Variants in PKHD1 observed in about 807,000 individuals in gnomAD.
The protein encoded by PKHD1 is PKHD1 ciliary IPT domain containing fibrocystin/polyductin.
In PKHD1, 291 loss-of-function variants were observed where a neutral mutation model predicts 412.0. The observed-to-expected ratio is 0.71, with a 90% CI of 0.64 to 0.78. The LOEUF (loss-of-function observed/expected upper bound fraction) is 0.78, where lower values mean the gene tolerates loss of function less well. Ranked by LOEUF, PKHD1 falls within the 30% of genes least tolerant of loss-of-function variation. The probability of loss-of-function intolerance (pLI) is 0.00; values close to 1 mark genes in which losing one functional copy is unlikely to be tolerated. For missense variants in PKHD1, 4,825 were observed against 4,950.7 expected (o/e 0.97, Z 0.76); for synonymous variants, 1,777 against 1,821.5 (o/e 0.98, Z 0.62).
chr6:51,754,509 A>T (rs1786639697), intron 56 of PKHD1, among the ~76,000 whole-genome samples: 1 of 152,110 alleles, frequency 6.6e-6, no homozygotes, highest in Non-Finnish European at 1.5e-5. Context: ...AAGACTCTCA[A>T]CCCTTCTGCT....
chr6:51,748,790 C>A, intron 57 of PKHD1, 125 bp from the exon 58 acceptor site: 1 of 795,902 alleles, frequency 1.3e-6, no homozygotes, highest in Non-Finnish European at 2.2e-6. Context: ...TCAACACCAA[C>A]ATTATATTTC....
At chr6:51,634,764 A>G (rs1361677652) in intron 64 of PKHD1, among the ~76,000 whole-genome samples, 2 of 152,192 alleles carry the variant, frequency 1.3e-5, no homozygotes, top group Non-Finnish European at 2.9e-5. Flanking sequence ...CAGAGAGGAG[A>G]AAATAGCTAT....
In PKHD1 at chr6:51,889,781, G is replaced by T. The variant is rs144848972; in HGVS notation, c.6997-2536C>A. 1.5e-3 allele frequency among the ~76,000 whole-genome samples: 229 copies of T among 152,184 alleles called. 1 individual carries two copies. Among genetic ancestry groups the T allele is most frequent in the African/African-American group, 5.3e-3 (221 of 41,500 alleles). ...GAGAGTAACGCTAAGGGTTACTAAC[G>T]TTCCTAGGAGACATTCAAAGAGGAG... On this transcript the variant is annotated intron_variant, in intron 43 of 66. Coordinates refer to ENST00000371117, the MANE Select transcript of PKHD1 (RefSeq NM_138694.4).
At chr6:51,767,749 C>T (rs1035526055) in intron 55 of PKHD1, among the ~76,000 whole-genome samples, 1 of 152,172 alleles carries the variant, frequency 6.6e-6, no homozygotes, top group East Asian at 1.9e-4. Context: ...CAAGTCTTTG[C>T]TATTGTGAAT....
rs1783004131 is a variant in PKHD1 at position 51,911,891 on chromosome 6, G to C, written c.6398C>G (p.Ala2133Gly). The C allele has an allele frequency of 5.6e-6, 9 of 1,610,750 alleles. No homozygotes were observed. The highest frequency in any genetic ancestry group is 7.6e-6 in the Non-Finnish European group (9 of 1,177,346). Reference sequence around the variant, plus strand: ...TATGGTAATACTCCTGCTGAGCAGAGCCACAGTGGCCTTTAAAATATGGTG... The same window carrying C: ...TATGGTAATACTCCTGCTGAGCAGACCCACAGTGGCCTTTAAAATATGGTG... ...GEHHILKATV[A>G]LLSRSITIQG... Residue 2133 changes from alanine (A) to glycine (G), a missense_variant, in exon 39 of 67, where the codon GCT (alanine) becomes GGT (glycine). Transcript: ENST00000371117.
chr6:51,749,968 C>A (rs148609681), intron 57 of PKHD1, among the ~76,000 whole-genome samples: 1 of 152,150 alleles, frequency 6.6e-6, no homozygotes, highest in African/African-American at 2.4e-5. Flanking sequence ...ATAAAGGAAG[C>A]AATACATTTG....
chr6:51,936,998 A>G (rs903114367), intron 36 of PKHD1, among the ~76,000 whole-genome samples: 41 of 152,312 alleles, frequency 2.7e-4, no homozygotes, highest in African/African-American at 9.1e-4. Context: ...AGTGCTAACT[A>G]AGAGTCTGGA....
chr6:51,789,630 A>C (rs1793423609), intron 53 of PKHD1, among the ~76,000 whole-genome samples: 1 of 152,084 alleles, frequency 6.6e-6, no homozygotes, highest in South Asian at 2.1e-4. Flanking sequence ...TTGTGGTTAT[A>C]TTTGCACTTG....
At chr6:51,789,835 A>C (rs996216057) in intron 53 of PKHD1, among the ~76,000 whole-genome samples, 5 of 152,198 alleles carry the variant, frequency 3.3e-5, no homozygotes, top group Non-Finnish European at 7.3e-5. Flanking sequence ...AGGGCTATAG[A>C]ATTAAAAGGA....
chr6:52,032,853 G>A (rs964829324), intron 29 of PKHD1, among the ~76,000 whole-genome samples, 177 bp downstream of exon 29: 1 of 152,132 alleles, frequency 6.6e-6, no homozygotes, highest in Non-Finnish European at 1.5e-5. Flanking sequence ...TTTTACAGAT[G>A]GAAAAGTAGA....
chr6:51,975,637 A>AAAG (rs2041206588), intron 35 of PKHD1: 1 of 151,342 alleles, frequency 6.6e-6, no homozygotes, highest in Non-Finnish European at 1.5e-5. Flanking sequence ...AAAAAAAAAA[A>AAAG]AAAACAAAAA....
chr6:51,870,700 AT>A (rs1775847213), intron 46 of PKHD1, 61 bp from the exon 47 acceptor site: 1 of 1,271,164 alleles, frequency 7.9e-7, no homozygotes, highest in South Asian at 1.2e-5. Context: ...ATGAAATACA[AT>A]TCATAATGCA....
At chr6:51,977,689 C>T (rs1028266091) in intron 35 of PKHD1, among the ~76,000 whole-genome samples, 27 of 152,312 alleles carry the variant, frequency 1.8e-4, no homozygotes, top group African/African-American at 6.5e-4. Flanking sequence ...AGCTCCACTA[C>T]CTAAGCCAGA....
intron 34 of PKHD1, among the ~76,000 whole-genome samples, chr6:52,011,717 T>C (rs532989580): frequency 7.9e-5 from 12 of 152,242 alleles, no homozygotes; most frequent in Non-Finnish European, 1.8e-4. Flanking sequence ...GGATAACTAG[T>C]ACATCTCACC....
chr6:52,059,241 TTTTTTC>T (rs1166447257), intron 15 of PKHD1, among the ~76,000 whole-genome samples: 33 of 147,600 alleles, frequency 2.2e-4, no homozygotes, highest in Non-Finnish European at 3.9e-4. Flanking sequence ...AATCTTTCTT[TTTTTTC>T]TTTTTCTTTT....
chr6:52,025,959 G>A lies in PKHD1; in HGVS notation c.3851C>T (p.Pro1284Leu), dbSNP rs139838478. Residue 1284 changes from proline (P) to leucine (L), a missense_variant, in exon 32 of 67, where the codon CCA (proline) becomes CTA (leucine). Transcript: ENST00000371117. ...GGTGAAGCCTTTCCCCACCAAGCTTGGTGAAGGACCACGGGCGAAGAACCT... is the reference window on the plus strand; with the variant it reads ...GGTGAAGCCTTTCCCCACCAAGCTTAGTGAAGGACCACGGGCGAAGAACCT... ...GNRFFARGPS[P>L]SLVGKGFTFM... 412 of 1,614,014 alleles carry A rather than the reference G, an allele frequency of 2.6e-4. No homozygotes were observed. The highest frequency in any genetic ancestry group is 3.4e-4 in the Non-Finnish European group (398 of 1,180,032).
intron 62 of PKHD1, among the ~76,000 whole-genome samples, chr6:51,648,659 C>A (rs1452410915): frequency 1.3e-5 from 2 of 152,206 alleles, no homozygotes; most frequent in African/African-American, 4.8e-5. Context: ...ACAGAAACTT[C>A]TTGTTTTACT....
chr6:51,776,433 T>C (rs7761681), intron 53 of PKHD1, among the ~76,000 whole-genome samples: 28,009 of 151,928 alleles, frequency 0.18, 3,392 homozygotes, highest in African/African-American at 0.34. Context: ...CAAGTTCAAC[T>C]AAGTCTAACA....
In PKHD1 at chr6:51,791,353, T is replaced by A; in HGVS notation, c.8323A>T (p.Thr2775Ser). ...AGCCCTTTGAAGAATGGAAGATCTG[T>A]ATCCACAAGGACAGTTCTGTCTGTG... ...ILPNRTVLVD[T>S]DLPFFKGLYV... The change falls in exon 53 of 67, where the codon ACA (threonine) becomes TCA (serine). Residue 2775 changes from threonine (T) to serine (S), a missense_variant. Physicochemically the swap from Thr to Ser is moderately conservative, Grantham distance 58. Transcript: ENST00000371117. The A allele has an allele frequency of 6.2e-7, 1 of 1,613,694 alleles. No individual in the cohort carries two copies. Among genetic ancestry groups the A allele is most frequent in the Non-Finnish European group, 8.5e-7 (1 of 1,179,676 alleles).
Sources: allele counts gnomAD v4.1 joint callset (sites outside exome capture counted in the v4.1 genomes callset), GRCh38; gene constraint gnomAD v4.1.1; transcripts MANE v1.5; gene names NCBI Gene and HGNC (gene_info 2026-07-23, HGNC 2026-07-21).